EP300: variants seen among roughly 807,000 people sequenced by gnomAD.
EP300 encodes EP300 lysine acetyltransferase, also known as histone acetyltransferase p300.
Under a neutral mutation model 264.0 loss-of-function variants are expected in EP300, and 31 were observed. That is an observed-to-expected ratio of 0.12 (90% CI 0.09 to 0.16). The LOEUF (loss-of-function observed/expected upper bound fraction) is 0.16. Among genes scored for constraint, EP300 ranks in the 10% least tolerant of loss-of-function variants. The pLI, the probability that EP300 is intolerant of heterozygous loss-of-function variation, is 1.00. For synonymous variants in EP300, 1,340 were observed against 1,045.4 expected, an observed-to-expected ratio of 1.28 and a Z score of -5.44; for missense variants, 2,766 against 3,052.9, an observed-to-expected ratio of 0.91 and a Z score of 2.21.
intron 1 of EP300, among the ~76,000 whole-genome samples, chr22:41,104,521 C>T (rs962158911): frequency 4.6e-5 from 7 of 152,134 alleles, no homozygotes; most frequent in African/African-American, 1.7e-4. Context: ...AACTCCTGAC[C>T]TCAGGCGATC....
chr22:41,154,979 ACTTTTTTT>A lies in EP300; in HGVS notation c.3143-15_3143-8del, dbSNP rs1569109903. 6.6e-7 allele frequency: 1 copy of A among 1,520,178 alleles called. No individual in the cohort carries two copies. Among genetic ancestry groups the A allele is most frequent in the Admixed American group, 1.7e-5 (1 of 59,296 alleles). The allele number at this position is 1,520,178 out of a possible 1,614,324, so 94.2% of individuals were successfully genotyped here. On this transcript the variant is annotated splice_region_variant and splice_polypyrimidine_tract_variant and intron_variant, in intron 16 of 30. Coordinates refer to ENST00000263253, the MANE Select transcript of EP300 (RefSeq NM_001429.4). Reference sequence around the variant, plus strand: ...TTAATTGGTAACTAATTTCAAATGCACTTTTTTTTTTTAAGTTTTCAAACCAGAAGAAC... The same window carrying A: ...TTAATTGGTAACTAATTTCAAATGCATTTTAAGTTTTCAAACCAGAAGAAC...
chr22:41,114,600 A>G (rs915998501), intron 1 of EP300, among the ~76,000 whole-genome samples: 1 of 152,186 alleles, frequency 6.6e-6, no homozygotes, highest in South Asian at 2.1e-4. Flanking sequence ...TAGTTCATAT[A>G]TGACCACATG....
At chr22:41,162,600 A>T in intron 20 of EP300, 123 bp from the exon 21 acceptor site, 1 of 732,716 alleles carries the variant, frequency 1.4e-6, no homozygotes, top group Non-Finnish European at 2.4e-6. Context: ...ACACCTATTT[A>T]AATGTGTATT....
At chr22:41,135,709 C>T in intron 6 of EP300, 104 bp from the exon 7 acceptor site, 1 of 891,438 alleles carries the variant, frequency 1.1e-6, no homozygotes, top group Non-Finnish European at 1.8e-6. Flanking sequence ...GTATATGCTG[C>T]AAATTTTTTT....
chr22:41,150,892 A>C (rs1353562895), intron 14 of EP300, among the ~76,000 whole-genome samples: 1 of 151,244 alleles, frequency 6.6e-6, no homozygotes, highest in Non-Finnish European at 1.5e-5. Context: ...CTCCGTCTAA[A>C]AAAAAAAAAA....
At chr22:41,176,004 G>C (rs1199289079) in intron 29 of EP300, 3 of 535,660 alleles carry the variant, frequency 5.6e-6, no homozygotes, top group Non-Finnish European at 1.0e-5. Context: ...CAGATCACTT[G>C]AGCTTAGGAG....
intron 2 of EP300, among the ~76,000 whole-genome samples, chr22:41,119,190 T>A (rs137877351): frequency 0.031 from 2,515 of 82,156 alleles, 89 homozygotes; most frequent in South Asian, 0.099. Flanking sequence ...TTTTTTTTTT[T>A]TTTTTTTTTT....
Position 41,166,665 on chromosome 22 carries a change from A to G in EP300, c.3873A>G (p.Lys1291=). ...GGAAAGAAAATAAGTTTTCTGCTAAAAGTAAGTTTTATTCTTAAAGGTAAA... is the reference window on the plus strand; with the variant it reads ...GGAAAGAAAATAAGTTTTCTGCTAAGAGTAAGTTTTATTCTTAAAGGTAAA... ...RTRKENKFSA[K]RLPSTRLGTF... Residue 1291 remains lysine, a splice_region_variant and synonymous_variant, in exon 23 of 31, where the codon AAA becomes AAG. Coordinates refer to ENST00000263253, the MANE Select transcript of EP300 (RefSeq NM_001429.4). 1 of 1,610,420 alleles carries G rather than the reference A, an allele frequency of 6.2e-7. No homozygotes were observed. Among genetic ancestry groups the G allele is most frequent in the South Asian group, 1.1e-5 (1 of 90,340 alleles).
At chr22:41,112,076 G>A (rs2058795092) in intron 1 of EP300, among the ~76,000 whole-genome samples, 2 of 149,952 alleles carry the variant, frequency 1.3e-5, no homozygotes, top group African/African-American at 4.9e-5. Context: ...TTTTAGTAGA[G>A]ACGGGGTTTC....
rs2145737674 is a variant in EP300, at chr22:41,150,075, G to A, written c.2694G>A (p.Gln898=). 1 of 1,613,810 alleles carries A rather than the reference G, an allele frequency of 6.2e-7. No homozygotes were observed. Among genetic ancestry groups the A allele is most frequent in the East Asian group, 2.2e-5 (1 of 44,892 alleles). The change falls in exon 14 of 31, where the codon CAG becomes CAA. Residue 898 remains glutamine, a synonymous_variant. Coordinates refer to ENST00000263253, the MANE Select transcript of EP300 (RefSeq NM_001429.4). ...PPTTQLPQQV[Q]PSLPAAPSAD... Reference sequence around the variant, plus strand: ...CAACACAACTTCCCCAACAAGTGCAGCCTTCACTTCCTGCTGCACCTTCTG... The same window carrying A: ...CAACACAACTTCCCCAACAAGTGCAACCTTCACTTCCTGCTGCACCTTCTG...
Position 41,168,704 on chromosome 22 carries a change from CCATCT to C in EP300, c.4026-14_4026-10del. On this transcript the variant is annotated splice_polypyrimidine_tract_variant and intron_variant, in intron 24 of 30. Coordinates refer to ENST00000263253, the MANE Select transcript of EP300 (RefSeq NM_001429.4). ...AATGAGTTATGTTGTGGTTCCCCCA[CCATCT>C]CAATTGTATAGGTTTGTGGACAGTG... The C allele has an allele frequency of 6.2e-7, 1 of 1,614,160 alleles. No individual in the cohort carries two copies. Among genetic ancestry groups the C allele is most frequent in the African/African-American group, 1.3e-5 (1 of 75,046 alleles).
chr22:41,172,523 G>A lies in EP300; in HGVS notation c.4477G>A (p.Asp1493Asn), dbSNP rs2145770014. ...YKDIFKQATE[D>N]RLTSAKELPY... ...GGATATTTTTAAACAAGCTACTGAA[G>A]ATAGATTAACAAGTGCAAAGGAATT... Residue 1493 changes from aspartate to asparagine, a missense_variant, in exon 28 of 31, where the codon GAT becomes AAT. Asp to Asn is a conservative substitution (Grantham distance 23). Coordinates refer to ENST00000263253, the MANE Select transcript of EP300 (RefSeq NM_001429.4). 1 of 1,613,892 alleles carries A rather than the reference G, an allele frequency of 6.2e-7. No individual in the cohort carries two copies. The highest frequency in any genetic ancestry group is 8.5e-7 in the Non-Finnish European group (1 of 1,179,812).
At chr22:41,106,884 A>C (rs1350382152) in intron 1 of EP300, among the ~76,000 whole-genome samples, 1 of 152,012 alleles carries the variant, frequency 6.6e-6, no homozygotes, top group Non-Finnish European at 1.5e-5. Flanking sequence ...TGAGCCACCT[A>C]CCAGGTCTGG....
chr22:41,151,234 G>A (rs1028106069), intron 14 of EP300, among the ~76,000 whole-genome samples: 4 of 152,132 alleles, frequency 2.6e-5, no homozygotes, highest in African/African-American at 9.7e-5. Flanking sequence ...GATAGACAAG[G>A]AAGGACAGAA....
At chr22:41,107,112 G>C (rs1403110138) in intron 1 of EP300, among the ~76,000 whole-genome samples, 3 of 151,982 alleles carry the variant, frequency 2.0e-5, no homozygotes, top group Non-Finnish European at 4.4e-5. Context: ...TCACCATGTT[G>C]GCCAGGCTGG....
At chr22:41,157,055 A>C in intron 17 of EP300, 114 bp from the exon 18 acceptor site, 1 of 1,312,848 alleles carries the variant, frequency 7.6e-7, no homozygotes, top group Non-Finnish European at 1.1e-6. Flanking sequence ...GGGAATATAG[A>C]CAGGCCAGAA....
At chr22:41,096,057 C>G (rs2058700162) in intron 1 of EP300, among the ~76,000 whole-genome samples, 1 of 151,986 alleles carries the variant, frequency 6.6e-6, no homozygotes, top group Admixed American at 6.6e-5. Flanking sequence ...CTTTATGTTC[C>G]TGTTTCAGTA....
chr22:41,168,295 C>A, intron 23 of EP300, 154 bp from the exon 24 acceptor site: 1 of 775,646 alleles, frequency 1.3e-6, no homozygotes, highest in South Asian at 1.5e-5. Flanking sequence ...ACATGTAAAT[C>A]TGCAAAGTAG....
chr22:41,098,628 C>G (rs1408122598), intron 1 of EP300, among the ~76,000 whole-genome samples: 2 of 152,190 alleles, frequency 1.3e-5, no homozygotes, highest in Non-Finnish European at 2.9e-5. Flanking sequence ...ACCTCAGCCT[C>G]CCAAAGTGCT....
Sources: gnomAD v4.1 joint callset for allele counts (sites outside exome capture counted in the v4.1 genomes callset) on GRCh38, gnomAD v4.1.1 for gene constraint, MANE v1.5 for transcripts, NCBI Gene and HGNC (gene_info 2026-07-23, HGNC 2026-07-21) for gene names.